Variants in LAMA4 observed in about 807,000 individuals in gnomAD.
LAMA4 encodes the protein laminin subunit alpha-4.
A neutral mutation model predicts 207.1 loss-of-function variants in LAMA4; 127 were observed. The ratio of observed to expected loss-of-function variants is 0.61; its 90% confidence interval spans 0.53 to 0.71. The LOEUF (loss-of-function observed/expected upper bound fraction) is 0.71, where lower values mean the gene tolerates loss of function less well. Among genes scored for constraint, LAMA4 ranks in the 30% least tolerant of loss-of-function variants. The probability of loss-of-function intolerance (pLI) is 0.00; values close to 1 mark genes in which losing one functional copy is unlikely to be tolerated. For synonymous variants in LAMA4, 761 were observed against 816.0 expected (o/e 0.93, Z 1.15); for missense variants, 2,093 against 2,246.5 (o/e 0.93, Z 1.38).
rs570097304 is a variant in LAMA4 at position 112,215,042 on chromosome 6, A to G, written c.297+1326T>C. Among the ~76,000 whole-genome samples the G allele has an allele frequency of 6.7e-4, 102 of 152,348 alleles. No individual in the cohort carries two copies. The South Asian group carries it at 0.02, about 30-fold the overall frequency. On this transcript the variant is annotated intron_variant, in intron 3 of 38. Coordinates refer to ENST00000230538, the MANE Select transcript of LAMA4 (RefSeq NM_001105206.3). ...TAAATCAGATAACAAACAACCTTTA[A>G]TTGGTCAAATTATCAGAGATGTACG...
intron 12 of LAMA4, among the ~76,000 whole-genome samples, chr6:112,171,043 A>C (rs1445631407): frequency 1.3e-5 from 2 of 152,174 alleles, no homozygotes; most frequent in Admixed American, 1.3e-4. Flanking sequence ...ATGCCACGTG[A>C]AAGAGCATAG....
intron 2 of LAMA4, 111 bp downstream of exon 2, chr6:112,253,845 C>T (rs1554190385): frequency 6.2e-7 from 1 of 1,614,264 alleles, no homozygotes. Flanking sequence ...AGGTGAAACT[C>T]TCAAGGCACT....
At position 112,178,241 on chromosome 6, in the gene LAMA4, A is replaced by G; in HGVS notation, c.1078-9T>C. 6.3e-7 allele frequency: 1 copy of G among 1,581,802 alleles called. No individual in the cohort carries two copies. The highest frequency in any genetic ancestry group is 8.7e-7 in the Non-Finnish European group (1 of 1,150,668). On this transcript the variant is annotated splice_polypyrimidine_tract_variant and intron_variant, in intron 9 of 38. Coordinates refer to ENST00000230538, the MANE Select transcript of LAMA4 (RefSeq NM_001105206.3). ...CTGGAGGCTTGATTTTCCTACAAAT[A>G]ATCCGTATAAAGGCTAGATTAAATG... is the stretch of plus-strand genomic sequence containing the variant.
At chr6:112,141,780 T>C (rs1345935624) in intron 20 of LAMA4, among the ~76,000 whole-genome samples, 2 of 152,164 alleles carry the variant, frequency 1.3e-5, no homozygotes, top group Non-Finnish European at 2.9e-5. Context: ...AGGAATATAA[T>C]ACAGCCTGAC....
At chr6:112,182,434 T>G (rs1428268709) in intron 9 of LAMA4, among the ~76,000 whole-genome samples, 1 of 152,210 alleles carries the variant, frequency 6.6e-6, no homozygotes, top group Non-Finnish European at 1.5e-5. Context: ...CTTTGTGGAA[T>G]TTTTCCAAAT....
intron 2 of LAMA4, among the ~76,000 whole-genome samples, chr6:112,230,983 A>T (rs1424197592): frequency 1.3e-5 from 2 of 152,186 alleles, no homozygotes; most frequent in Admixed American, 1.3e-4. Context: ...TAGTCACTCA[A>T]CCACGCTTCT....
In LAMA4 at chr6:112,175,226, A is replaced by T; in HGVS notation, c.1357+87T>A. 4.7e-6 allele frequency: 6 copies of T among 1,288,406 alleles called. No homozygotes were observed. In the South Asian group the frequency reaches 7.2e-5, roughly 15 times the overall value. 79.8% of individuals were successfully genotyped at this position (1,288,406 alleles called of 1,614,324 possible). On this transcript the variant is annotated intron_variant, in intron 11 of 38. Coordinates refer to ENST00000230538, the MANE Select transcript of LAMA4 (RefSeq NM_001105206.3). Reference sequence around the variant, plus strand: ...ACACTGGAAATTGGTTGCTTTGATTATATGTTGCCCTAGGTTTAATGTCTG... The same window carrying T: ...ACACTGGAAATTGGTTGCTTTGATTTTATGTTGCCCTAGGTTTAATGTCTG...
At chr6:112,192,007 G>A (rs956435516) in intron 5 of LAMA4, among the ~76,000 whole-genome samples, 157 bp from the exon 6 acceptor site, 10 of 152,116 alleles carry the variant, frequency 6.6e-5, no homozygotes, top group Admixed American at 3.9e-4. Flanking sequence ...ACCAGATTTC[G>A]TTTTTAAGGA....
intron 2 of LAMA4, among the ~76,000 whole-genome samples, chr6:112,232,624 C>T (rs1785635637): frequency 6.6e-6 from 1 of 151,952 alleles, no homozygotes; most frequent in Non-Finnish European, 1.5e-5. Context: ...GAAATTTTGC[C>T]CCCAGATAAC....
chr6:112,130,257 C>A (rs577163107), intron 29 of LAMA4: 6 of 566,196 alleles, frequency 1.1e-5, no homozygotes, highest in African/African-American at 1.9e-5. Context: ...GAATTTAAAC[C>A]CGTAAGGCAA....
chr6:112,142,327 T>G (rs781806500), intron 19 of LAMA4, 35 bp from the exon 20 acceptor site: 1 of 1,607,280 alleles, frequency 6.2e-7, no homozygotes, highest in Admixed American at 1.7e-5. Flanking sequence ...AAAAGTGCTT[T>G]GCAGAAATGG....
At chr6:112,181,900 C>T (rs1392170998) in intron 9 of LAMA4, among the ~76,000 whole-genome samples, 1 of 152,010 alleles carries the variant, frequency 6.6e-6, no homozygotes, top group Non-Finnish European at 1.5e-5. Context: ...AATTTGAGAC[C>T]AACCTGACCA....
chr6:112,214,825 C>G (rs1171560657), intron 3 of LAMA4, among the ~76,000 whole-genome samples: 2 of 152,182 alleles, frequency 1.3e-5, no homozygotes, highest in Non-Finnish European at 2.9e-5. Flanking sequence ...CCTCTCACCA[C>G]TAGGTCAGAG....
At chr6:112,203,038 G>A (rs577708393) in intron 4 of LAMA4, among the ~76,000 whole-genome samples, 3 of 152,126 alleles carry the variant, frequency 2.0e-5, no homozygotes, top group Admixed American at 2.0e-4. Context: ...TTATGCAAAT[G>A]GTCCCTGGGA....
rs782788099 is a variant in LAMA4, at chr6:112,148,198, GA to G, written c.2311del (p.Ser771LeufsTer8). On this transcript the variant is annotated frameshift_variant, in exon 18 of 39. Transcript: ENST00000230538. LOFTEE classifies it high-confidence loss of function. ...GTTCACTGCAGTGTTGTAAGCAGAA[GA>G]GTCAAAATGTTGAAGATTCTGTGAC... ...NWSQNLQHFD[S>X]SAYNTAVNSA... is the part of the protein sequence containing the mutation. The G allele has an allele frequency of 6.2e-7, 1 of 1,614,174 alleles. No individual in the cohort carries two copies. The highest frequency in any genetic ancestry group is 1.1e-5 in the South Asian group (1 of 91,090).
Position 112,205,565 on chromosome 6 carries a change from TA to T in LAMA4, c.422+1455del, listed in dbSNP as rs149461934. Among the ~76,000 whole-genome samples the T allele has an allele frequency of 3.7e-3, 563 of 151,986 alleles. 3 individuals carry two copies. Among genetic ancestry groups the T allele is most frequent in the African/African-American group, 0.012 (518 of 41,482 alleles). On this transcript the variant is annotated intron_variant, in intron 4 of 38. Coordinates refer to ENST00000230538, the MANE Select transcript of LAMA4 (RefSeq NM_001105206.3). The stretch of plus-strand genomic sequence containing the variant: ...GCTACTCTTTCTACTTGTGGCATAA[TA>T]AAAAAAACAGTATTTAGCCTTTGGT...
At chr6:112,206,303 A>T (rs1387368281) in intron 4 of LAMA4, among the ~76,000 whole-genome samples, 2 of 152,188 alleles carry the variant, frequency 1.3e-5, no homozygotes, top group African/African-American at 2.4e-5. Flanking sequence ...GTGGAAACTT[A>T]GTGTCAGAAC....
intron 12 of LAMA4, among the ~76,000 whole-genome samples, chr6:112,171,272 G>A (rs915186269): frequency 4.0e-5 from 6 of 149,772 alleles, no homozygotes; most frequent in Non-Finnish European, 8.8e-5. Context: ...TCTAACCCGC[G>A]AAATGGCTCA....
At chr6:112,127,908 A>G (rs574059650) in intron 31 of LAMA4, among the ~76,000 whole-genome samples, 3 of 152,296 alleles carry the variant, frequency 2.0e-5, no homozygotes, top group Admixed American at 2.0e-4. Context: ...AATAATGTAC[A>G]CAGTTGAAGT....
Sources: gnomAD v4.1 joint callset for allele counts (sites outside exome capture counted in the v4.1 genomes callset) on GRCh38, gnomAD v4.1.1 for gene constraint, MANE v1.5 for transcripts, NCBI Gene and HGNC (gene_info 2026-07-23, HGNC 2026-07-21) for gene names.